The following LINGO2 variants were observed in gnomAD, a reference collection of about 807,000 sequenced individuals.
LINGO2 encodes leucine-rich repeat and immunoglobulin-like domain-containing nogo receptor-interacting protein 2.
LINGO2 carries 14 observed loss-of-function variants against 30.6 expected under a neutral mutation model. That is an observed-to-expected ratio of 0.46 (90% CI 0.30 to 0.72). The LOEUF (loss-of-function observed/expected upper bound fraction) is 0.72. Ranked by LOEUF, LINGO2 falls within the 30% of genes least tolerant of loss-of-function variation. The pLI is 0.07. For missense variants in LINGO2, 729 were observed against 751.7 expected (o/e 0.97, Z 0.35); for synonymous variants, 317 against 288.5 (o/e 1.10, Z -1.00).
intron 2 of LINGO2, among the ~76,000 whole-genome samples, chr9:28,374,395 T>G (rs1056146287): frequency 2.6e-5 from 4 of 151,804 alleles, no homozygotes; most frequent in Non-Finnish European, 5.9e-5. Flanking sequence ...AAATAAATTT[T>G]TAAAAATGTA....
At chr9:29,067,150 G>C in the LINGO2 span, among the ~76,000 whole-genome samples, 1 of 151,752 alleles carries the variant, frequency 6.6e-6, no homozygotes, top group African/African-American at 2.4e-5. Context: ...AAATGAGGGA[G>C]AGTATTATAA....
At chr9:28,016,389 T>C (rs1822838847) in intron 4 of LINGO2, among the ~76,000 whole-genome samples, 1 of 152,104 alleles carries the variant, frequency 6.6e-6, no homozygotes, top group South Asian at 2.1e-4. Context: ...GATATTTTTA[T>C]CCCCTGAAAG....
At chr9:28,090,798 T>C (rs1487786640) in intron 4 of LINGO2, among the ~76,000 whole-genome samples, 1 of 152,192 alleles carries the variant, frequency 6.6e-6, no homozygotes, top group South Asian at 2.1e-4. Context: ...GATGACATGA[T>C]TGTATATCAG....
the LINGO2 span, among the ~76,000 whole-genome samples, chr9:29,155,556 CT>C: frequency 0.24 from 33,353 of 139,478 alleles, 3,989 homozygotes; most frequent in East Asian, 0.4. Context: ...GAGGGTTTTC[CT>C]TTTTTTTTTT....
the LINGO2 span, among the ~76,000 whole-genome samples, chr9:28,816,224 T>A: frequency 6.6e-6 from 1 of 152,210 alleles, no homozygotes; most frequent in African/African-American, 2.4e-5. Context: ...CATTGGAGAT[T>A]AAGTTACCAA....
the LINGO2 span, among the ~76,000 whole-genome samples, chr9:29,091,644 C>T: frequency 1.3e-5 from 2 of 152,082 alleles, no homozygotes; most frequent in East Asian, 1.9e-4. Flanking sequence ...AGGTACTTTA[C>T]TGGAATTGGA....
chr9:28,738,855 C>T, the LINGO2 span, among the ~76,000 whole-genome samples: 1 of 152,008 alleles, frequency 6.6e-6, no homozygotes, highest in East Asian at 1.9e-4. Flanking sequence ...TATTTGATAA[C>T]ACATTAAATC....
At chr9:28,776,116 CT>C in the LINGO2 span, among the ~76,000 whole-genome samples, 1 of 152,156 alleles carries the variant, frequency 6.6e-6, no homozygotes, top group Non-Finnish European at 1.5e-5. Context: ...TTATGGAATA[CT>C]TTTGTTATAA....
the LINGO2 span, among the ~76,000 whole-genome samples, chr9:28,898,291 T>C: frequency 7.2e-5 from 11 of 152,122 alleles, no homozygotes; most frequent in Admixed American, 2.0e-4. Flanking sequence ...GCAGTTATCA[T>C]CCAAAATAAT....
At chr9:28,235,373 T>G (rs186944542) in intron 4 of LINGO2, among the ~76,000 whole-genome samples, 1 of 152,242 alleles carries the variant, frequency 6.6e-6, no homozygotes, top group Admixed American at 6.5e-5. Context: ...GAAGGACATA[T>G]GCAAACAAGC....
chr9:29,170,783 C>T, the LINGO2 span, among the ~76,000 whole-genome samples: 1 of 151,352 alleles, frequency 6.6e-6, no homozygotes, highest in Admixed American at 6.6e-5. Flanking sequence ...ATATAAATGA[C>T]CAAAAAAATG....
At chr9:27,988,316 G>A (rs925143236) in intron 5 of LINGO2, among the ~76,000 whole-genome samples, 29 of 152,154 alleles carry the variant, frequency 1.9e-4, no homozygotes, top group African/African-American at 7.0e-4. Flanking sequence ...ACATATGTGT[G>A]CATGTGTCTT....
intron 4 of LINGO2, among the ~76,000 whole-genome samples, chr9:28,241,444 A>C (rs1023550923): frequency 1.3e-5 from 2 of 152,066 alleles, no homozygotes; most frequent in Non-Finnish European, 2.9e-5. Context: ...ATTAGGACTG[A>C]CTAGGCGGCA....
the LINGO2 span, among the ~76,000 whole-genome samples, chr9:28,942,223 G>T: frequency 6.6e-6 from 1 of 152,176 alleles, no homozygotes; most frequent in Non-Finnish European, 1.5e-5. Context: ...GACTGTACAG[G>T]AAACCTCAAA....
chr9:29,061,403 G>A, the LINGO2 span, among the ~76,000 whole-genome samples: 1 of 151,832 alleles, frequency 6.6e-6, no homozygotes, highest in Non-Finnish European at 1.5e-5. Context: ...AAAGAAAGTT[G>A]GAGGTCTCCC....
chr9:28,460,087 T>A (rs915381441), intron 2 of LINGO2, among the ~76,000 whole-genome samples: 1 of 152,176 alleles, frequency 6.6e-6, no homozygotes, highest in African/African-American at 2.4e-5. Context: ...ATCTGTAAAT[T>A]TGAGTGTCTC....
At chr9:28,056,793 T>C (rs898179448) in intron 4 of LINGO2, among the ~76,000 whole-genome samples, 3 of 152,188 alleles carry the variant, frequency 2.0e-5, no homozygotes, top group African/African-American at 7.2e-5. Context: ...AGCTAAGTTG[T>C]TAGGCATTTC....
the LINGO2 span, among the ~76,000 whole-genome samples, chr9:28,785,023 G>T: frequency 6.6e-6 from 1 of 151,564 alleles, no homozygotes; most frequent in Non-Finnish European, 1.5e-5. Context: ...AAAAAGTATA[G>T]TATAATGTGG....
chr9:28,273,114 G>C (rs1040695864), intron 4 of LINGO2, among the ~76,000 whole-genome samples: 11 of 152,138 alleles, frequency 7.2e-5, no homozygotes. Context: ...TCTGTGGGCT[G>C]ATTTGTTTTT....
Sources: allele counts gnomAD v4.1 joint callset (sites outside exome capture counted in the v4.1 genomes callset), GRCh38; gene constraint gnomAD v4.1.1; transcripts MANE v1.5; gene names NCBI Gene and HGNC (gene_info 2026-07-23, HGNC 2026-07-21).